TRAF1: variants seen among roughly 807,000 people sequenced by gnomAD.
The protein encoded by TRAF1 is TNF receptor-associated factor 1.
TRAF1 carries 23 observed loss-of-function variants against 40.9 expected under a neutral mutation model. The observed-to-expected ratio is 0.56, with a 90% CI of 0.40 to 0.80. The LOEUF is 0.80. TRAF1 is among the 30% of genes least tolerant of loss of function. The pLI, the probability that TRAF1 is intolerant of heterozygous loss-of-function variation, is 0.00. For synonymous variants in TRAF1, 206 were observed against 218.8 expected (o/e 0.94, Z 0.52); for missense variants, 477 against 528.7 (o/e 0.90, Z 0.96).
rs188529816 is a variant in TRAF1, at chr9:120,906,040, G to A, written c.1033-802C>T. ...TACTGACTCACATCCAGACCAAAGC[G>A]GCACACCTGCCCTGCCCCACCTGTT... On this transcript the variant is annotated intron_variant, in intron 7 of 7. Transcript: ENST00000373887. Among the ~76,000 whole-genome samples the A allele has an allele frequency of 9.3e-4, 142 of 152,204 alleles. 1 individual carries two copies. Among genetic ancestry groups the A allele is most frequent in the South Asian group, 2.1e-4 (1 of 4,826 alleles).
chr9:120,912,411 C>T (rs920942604), intron 5 of TRAF1, among the ~76,000 whole-genome samples: 2 of 152,146 alleles, frequency 1.3e-5, no homozygotes, highest in African/African-American at 4.8e-5. Context: ...AATCCCAGCA[C>T]TTTGGGAGGC....
chr9:120,905,361 C>A, intron 7 of TRAF1, 123 bp from the exon 8 acceptor site: 1 of 1,084,128 alleles, frequency 9.2e-7, no homozygotes, highest in African/African-American at 1.6e-5. Context: ...ACCCTTGGCT[C>A]ATTTGGATTA....
chr9:120,918,694 C>T (rs2046585123), intron 3 of TRAF1, among the ~76,000 whole-genome samples: 1 of 152,224 alleles, frequency 6.6e-6, no homozygotes, highest in African/African-American at 2.4e-5. Context: ...ATCCCTGTGA[C>T]AATCATCTGA....
chr9:120,913,497 T>G lies in TRAF1; in HGVS notation c.536A>C (p.Gln179Pro), dbSNP rs542703411. 2 of 1,614,000 alleles carry G rather than the reference T, an allele frequency of 1.2e-6. No homozygotes were observed. The highest frequency in any genetic ancestry group is 1.7e-6 in the Non-Finnish European group (2 of 1,179,986). Residue 179 changes from glutamine to proline, a missense_variant, in exon 5 of 8, where the codon CAG becomes CCG. By Grantham distance (76) the Gln-to-Pro change is moderately conservative. Transcript: ENST00000373887. ...CSESQEELALQHFMKEKLLAE... is the reference protein window; with the variant it reads ...CSESQEELALPHFMKEKLLAE... ...CAGAAGCTTCTCCTTCATGAAGTGC[T>G]GCAGGGCCAGCTCCTCCTGGCTCTC...
At chr9:120,922,643 C>T (rs943006982) in intron 3 of TRAF1, among the ~76,000 whole-genome samples, 1 of 152,140 alleles carries the variant, frequency 6.6e-6, no homozygotes, top group African/African-American at 2.4e-5. Flanking sequence ...TTCCTAGAAG[C>T]ACCGTTTGAC....
At position 120,909,145 on chromosome 9, in the gene TRAF1, C is replaced by T. The variant is rs2046505460; in HGVS notation, c.1032+85G>A. The T allele has an allele frequency of 1.8e-5, 28 of 1,522,772 alleles. 1 individual carries two copies. The South Asian group carries it at 3.3e-4, about 18-fold the overall frequency. 94.3% of individuals were successfully genotyped at this position (1,522,772 alleles called of 1,614,324 possible). On this transcript the variant is annotated intron_variant, in intron 7 of 7. Transcript: ENST00000373887. Reference sequence around the variant, plus strand: ...AGAGAGGGTGGGGGACTTGCCAGGTCACATGGCCAATTCATTGCCAAACCA... The same window carrying T: ...AGAGAGGGTGGGGGACTTGCCAGGTTACATGGCCAATTCATTGCCAAACCA...
At chr9:120,908,002 C>T (rs1478609931) in intron 7 of TRAF1, among the ~76,000 whole-genome samples, 3 of 152,182 alleles carry the variant, frequency 2.0e-5, no homozygotes, top group Non-Finnish European at 4.4e-5. Flanking sequence ...AAGCAATCTT[C>T]CCACCTAAGC....
intron 3 of TRAF1, among the ~76,000 whole-genome samples, chr9:120,917,066 G>T (rs1231782390): frequency 6.6e-6 from 1 of 152,250 alleles, no homozygotes; most frequent in Non-Finnish European, 1.5e-5. Context: ...CACCCCGCAG[G>T]TGGAGGGGAT....
rs181746742 is a variant in TRAF1 at position 120,912,757 on chromosome 9, T to C, written c.705+571A>G. ...AAGAACTGTGGCCAAGTGGATTATCTGGAGTCAGCCTGGTACCATACTCCA... is the reference window on the plus strand; with the variant it reads ...AAGAACTGTGGCCAAGTGGATTATCCGGAGTCAGCCTGGTACCATACTCCA... On this transcript the variant is annotated intron_variant, in intron 5 of 7. Coordinates refer to ENST00000373887, the MANE Select transcript of TRAF1 (RefSeq NM_005658.5). Among the ~76,000 whole-genome samples, 576 of 152,318 alleles carry C rather than the reference T, an allele frequency of 3.8e-3. 3 individuals carry two copies. The highest frequency in any genetic ancestry group is 0.014 in the Middle Eastern group (4 of 294).
At position 120,903,862 on chromosome 9, in the gene TRAF1, T is replaced by C. The variant is rs987261649; in HGVS notation, c.*1158A>G. The C allele has an allele frequency of 1.3e-5, 2 of 152,276 alleles. No homozygotes were observed. The highest frequency in any genetic ancestry group is 4.8e-5 in the African/African-American group (2 of 41,470). The allele number at this position is 152,276 out of a possible 1,614,324, so 9.4% of individuals were successfully genotyped here. ...TTCCTGCCAGCATGCCAGCCTCTGA[T>C]GCCACCTGCAAAACTGGTGGCACCA... is the stretch of plus-strand genomic sequence containing the variant. On this transcript the variant is annotated 3_prime_UTR_variant, in exon 8 of 8. Coordinates refer to ENST00000373887, the MANE Select transcript of TRAF1 (RefSeq NM_005658.5).
chr9:120,914,230 C>G lies in TRAF1; in HGVS notation c.294+5G>C. ...AGATCTCCTTTCTCACACTCAGATG[C>G]TTACCTTGAAGGAGCAGCCGACACC... is the stretch of plus-strand genomic sequence containing the variant. On this transcript the variant is annotated splice_donor_5th_base_variant and intron_variant, in intron 4 of 7. Transcript: ENST00000373887. 1 of 1,526,352 alleles carries G rather than the reference C, an allele frequency of 6.6e-7. No individual in the cohort carries two copies. The highest frequency in any genetic ancestry group is 1.3e-5 in the South Asian group (1 of 79,186). The allele number at this position is 1,526,352 out of a possible 1,614,324, so 94.6% of individuals were successfully genotyped here.
At position 120,925,974 on chromosome 9, in the gene TRAF1, C is replaced by T; in HGVS notation, c.102G>A (p.Arg34=). ...PTVCQDPKEP[R]ALCCAGCLSE... is the part of the protein sequence containing the mutation. The stretch of plus-strand genomic sequence containing the variant: ...AGAGACAGCCTGCACAGCAGAGAGC[C>T]CTGGGCTCCTTTGGGTCCTGGCAGA... The change falls in exon 2 of 8, where the codon AGG becomes AGA. Residue 34 remains arginine, a synonymous_variant. Transcript: ENST00000373887. 6.2e-7 allele frequency: 1 copy of T among 1,613,842 alleles called. No individual in the cohort carries two copies. The highest frequency in any genetic ancestry group is 8.5e-7 in the Non-Finnish European group (1 of 1,179,842).
chr9:120,926,268 T>C lies in TRAF1; in HGVS notation c.-193A>G. The C allele has an allele frequency of 1.9e-6, 1 of 520,632 alleles. No homozygotes were observed. Among genetic ancestry groups the C allele is most frequent in the Non-Finnish European group, 3.1e-6 (1 of 320,156 alleles). The allele number at this position is 520,632 out of a possible 1,614,324, so 32.3% of individuals were successfully genotyped here. ...GGGATGGAGCAGGAATTACCCTTTG[T>C]GGCGATAAAAATCCCCTGGATGGTG... On this transcript the variant is annotated 5_prime_UTR_variant, in exon 2 of 8. Transcript: ENST00000373887.
rs2046638416 is a variant in TRAF1 at position 120,926,039 on chromosome 9, G to C, written c.37C>G (p.Pro13Ala). ...SSSGSSPRPA[P>A]DENEFPFGCP... Reference sequence around the variant, plus strand: ...CCAAAGGGAAACTCATTCTCATCAGGGGCCGGGCGAGGACTGCTGCCTGAG... The same window carrying C: ...CCAAAGGGAAACTCATTCTCATCAGCGGCCGGGCGAGGACTGCTGCCTGAG... The change falls in exon 2 of 8, where the codon CCT (proline) becomes GCT (alanine). Residue 13 changes from proline (P) to alanine (A), a missense_variant. Physicochemically the swap from Pro to Ala is conservative, Grantham distance 27 (BLOSUM62 -1). Transcript: ENST00000373887. 1 of 1,610,296 alleles carries C rather than the reference G, an allele frequency of 6.2e-7. No individual in the cohort carries two copies. Among genetic ancestry groups the C allele is most frequent in the South Asian group, 1.1e-5 (1 of 90,654 alleles).
chr9:120,915,518 A>C (rs2046563430), intron 3 of TRAF1, among the ~76,000 whole-genome samples: 1 of 152,208 alleles, frequency 6.6e-6, no homozygotes, highest in Non-Finnish European at 1.5e-5. Context: ...ACAACCTAAT[A>C]AGAGACAAAT....
In TRAF1 at chr9:120,911,352, G is replaced by C. The variant is rs760368524; in HGVS notation, c.867C>G (p.Val289=). 1 of 1,613,334 alleles carries C rather than the reference G, an allele frequency of 6.2e-7. No homozygotes were observed. Among genetic ancestry groups the C allele is most frequent in the Admixed American group, 1.7e-5 (1 of 60,024 alleles). The part of the protein sequence containing the change: ...RCHESACGRT[V]SLFSPAFYTA... ...AGGTGTTACCTGGGGAGAAGAGGCT[G>C]ACGGTCCTGCCACAGGCCGACTCAT... Residue 289 remains valine (V), a synonymous_variant, in exon 6 of 8, where the codon GTC becomes GTG. Coordinates refer to ENST00000373887, the MANE Select transcript of TRAF1 (RefSeq NM_005658.5).
Position 120,906,481 on chromosome 9 carries a change from G to T in TRAF1, c.1033-1243C>A, listed in dbSNP as rs537452696. Among the ~76,000 whole-genome samples the T allele has an allele frequency of 4.6e-5, 7 of 152,214 alleles. No homozygotes were observed. In the East Asian group the frequency reaches 9.7e-4, roughly 21 times the overall value. On this transcript the variant is annotated intron_variant, in intron 7 of 7. Coordinates refer to ENST00000373887, the MANE Select transcript of TRAF1 (RefSeq NM_005658.5). ...GGCGTGCGCCACCATACCCGGCAAA[G>T]AATTTTTAATAGATTGTATTTTTTA... is the stretch of plus-strand genomic sequence containing the variant.
In TRAF1 at chr9:120,913,591, G is replaced by A. The variant is rs1264529235; in HGVS notation, c.442C>T (p.Leu148=). ...ACTTCCACGGCTGCCTGCAGCTGCA[G>A]GTCTGACAGGTTCTGCTCCAGGGCC... ...PMALEQNLSD[L]QLQAAVEVAG... The change falls in exon 5 of 8, where the codon CTG becomes TTG. Residue 148 remains leucine, a synonymous_variant. Transcript: ENST00000373887. 1.9e-6 allele frequency: 3 copies of A among 1,613,886 alleles called. No individual in the cohort carries two copies. Among genetic ancestry groups the A allele is most frequent in the East Asian group, 2.2e-5 (1 of 44,896 alleles).
chr9:120,925,050 G>A (rs1255616769), intron 2 of TRAF1, among the ~76,000 whole-genome samples: 3 of 152,212 alleles, frequency 2.0e-5, no homozygotes, highest in East Asian at 1.9e-4. Flanking sequence ...GCCTTTCCAC[G>A]GCCACAGCCT....
Sources: allele counts gnomAD v4.1 joint callset (sites outside exome capture counted in the v4.1 genomes callset), GRCh38; gene constraint gnomAD v4.1.1; transcripts MANE v1.5; gene names NCBI Gene and HGNC (gene_info 2026-07-23, HGNC 2026-07-21).